Variants in CHN2 observed in about 807,000 individuals in gnomAD.
CHN2 encodes the protein chimerin 2.
Under a neutral mutation model 56.3 loss-of-function variants are expected in CHN2, and 35 were observed. The ratio of observed to expected loss-of-function variants is 0.62; its 90% confidence interval spans 0.47 to 0.82. CHN2 has a LOEUF of 0.82. CHN2 is among the 40% of genes least tolerant of loss of function. The pLI, the probability that CHN2 is intolerant of heterozygous loss-of-function variation, is 0.00. For missense variants in CHN2, 491 were observed against 580.5 expected (o/e 0.85, Z 1.58); for synonymous variants, 210 against 212.8 (o/e 0.99, Z 0.12).
At chr7:29,190,901 G>A (rs1319550882), upstream of CHN2, among the ~76,000 whole-genome samples, 1 of 151,818 alleles carries the variant, frequency 6.6e-6, no homozygotes, top group Admixed American at 6.6e-5. Context: ...AGACAATACA[G>A]GGGCTGGGCA....
At chr7:29,512,360 C>T (rs988045410) in intron 12 of CHN2, among the ~76,000 whole-genome samples, 16 of 152,144 alleles carry the variant, frequency 1.1e-4, no homozygotes, top group African/African-American at 3.9e-4. Flanking sequence ...AATTCATTTC[C>T]ACCGGCGAAG....
chr7:29,481,110 G>A (rs974383876), intron 7 of CHN2, among the ~76,000 whole-genome samples: 1 of 152,362 alleles, frequency 6.6e-6, no homozygotes, highest in South Asian at 2.1e-4. Flanking sequence ...GCTGGAAAGG[G>A]ATGCTGCTGC....
intron 6 of CHN2, among the ~76,000 whole-genome samples, chr7:29,423,416 C>T (rs1804539595): frequency 6.6e-6 from 1 of 152,194 alleles, no homozygotes; most frequent in Non-Finnish European, 1.5e-5. Context: ...TTCTTTGCTG[C>T]AATTTGGGAC....
intron 2 of CHN2, among the ~76,000 whole-genome samples, chr7:29,172,219 G>C (rs1339457562): frequency 1.3e-5 from 2 of 152,124 alleles, no homozygotes; most frequent in African/African-American, 4.8e-5. Flanking sequence ...CATTAAAACA[G>C]CACCACCTAC....
At chr7:29,289,491 A>C (rs530311593) in intron 1 of CHN2, among the ~76,000 whole-genome samples, 1 of 152,152 alleles carries the variant, frequency 6.6e-6, no homozygotes, top group African/African-American at 2.4e-5. Flanking sequence ...AGCCGACGGG[A>C]GAGGGAGGCA....
chr7:29,390,818 C>T (rs905390117), intron 3 of CHN2, among the ~76,000 whole-genome samples: 1 of 152,152 alleles, frequency 6.6e-6, no homozygotes, highest in African/African-American at 2.4e-5. Context: ...GGTTCTTAGT[C>T]TCTTGGCAGA....
At chr7:29,207,217 T>C (rs1784581000) in intron 1 of CHN2, among the ~76,000 whole-genome samples, 1 of 152,148 alleles carries the variant, frequency 6.6e-6, no homozygotes, top group South Asian at 2.1e-4. Context: ...TACAAACCCA[T>C]AGGTTAAGGC....
chr7:29,182,290 C>A (rs1798157541), intron 2 of CHN2, among the ~76,000 whole-genome samples: 1 of 152,172 alleles, frequency 6.6e-6, no homozygotes, highest in African/African-American at 2.4e-5. Flanking sequence ...TCTTTCTATT[C>A]AATGCCTTAA....
chr7:29,502,446 C>A (rs557576259), intron 9 of CHN2, among the ~76,000 whole-genome samples: 1 of 152,296 alleles, frequency 6.6e-6, no homozygotes, highest in East Asian at 1.9e-4. Flanking sequence ...CTTCTGCTCT[C>A]ACATGGGCCA....
intron 1 of CHN2, among the ~76,000 whole-genome samples, chr7:29,231,135 G>A (rs1370425192): frequency 6.6e-6 from 1 of 152,200 alleles, no homozygotes; most frequent in Non-Finnish European, 1.5e-5. Flanking sequence ...GTCTGACCCA[G>A]TACTGTGCTT....
chr7:29,208,629 A>C (rs1453250773), intron 1 of CHN2, among the ~76,000 whole-genome samples: 1 of 152,116 alleles, frequency 6.6e-6, no homozygotes, highest in Non-Finnish European at 1.5e-5. Flanking sequence ...AGCCATCTCT[A>C]ACAAAAGACT....
intron 10 of CHN2, 129 bp downstream of exon 10, chr7:29,504,950 AT>A: frequency 1.6e-6 from 1 of 626,678 alleles, no homozygotes; most frequent in Non-Finnish European, 2.8e-6. Flanking sequence ...CGGAGGAATA[AT>A]GGCTTACAAA....
chr7:29,171,747 T>C (rs1218621487), intron 2 of CHN2, among the ~76,000 whole-genome samples: 1 of 152,182 alleles, frequency 6.6e-6, no homozygotes, highest in African/African-American at 2.4e-5. Flanking sequence ...AGAGAATGCA[T>C]TTTCATTTTT....
chr7:29,271,719 C>T (rs1032768777), intron 1 of CHN2, among the ~76,000 whole-genome samples: 3 of 152,216 alleles, frequency 2.0e-5, no homozygotes, highest in Non-Finnish European at 4.4e-5. Context: ...TTTCATTTTA[C>T]TGCTTTCTTT....
chr7:29,441,035 A>G (rs922852554), intron 6 of CHN2, among the ~76,000 whole-genome samples: 1 of 152,284 alleles, frequency 6.6e-6, no homozygotes, highest in South Asian at 2.1e-4. Flanking sequence ...ATCACCTAAT[A>G]TTTGATATTT....
chr7:29,229,987 AAATAAATAAAT>A (rs1463256751), intron 1 of CHN2, among the ~76,000 whole-genome samples: 1 of 151,878 alleles, frequency 6.6e-6, no homozygotes, highest in South Asian at 2.1e-4. Context: ...AAAAATAAAT[AAATAAATAAAT>A]AAATAAGTTT....
chr7:29,346,412 G>A (rs142404763), intron 1 of CHN2, among the ~76,000 whole-genome samples: 40 of 152,268 alleles, frequency 2.6e-4, no homozygotes, highest in African/African-American at 9.6e-4. Context: ...TCATCTCATC[G>A]TGAGGCTGTT....
intron 1 of CHN2, among the ~76,000 whole-genome samples, chr7:29,234,477 A>G (rs1787026310): frequency 1.3e-5 from 2 of 152,186 alleles, no homozygotes; most frequent in African/African-American, 2.4e-5. Context: ...CATTGGCCCC[A>G]GGTTATAACT....
intron 6 of CHN2, among the ~76,000 whole-genome samples, chr7:29,477,892 A>G (rs1786734223): frequency 6.6e-6 from 1 of 152,228 alleles, no homozygotes; most frequent in African/African-American, 2.4e-5. Flanking sequence ...CTTTCTAGCA[A>G]CTTATATTTA....
Sources: gnomAD v4.1 joint callset for allele counts (sites outside exome capture counted in the v4.1 genomes callset) on GRCh38, gnomAD v4.1.1 for gene constraint, MANE v1.5 for transcripts, NCBI Gene and HGNC (gene_info 2026-07-23, HGNC 2026-07-21) for gene names.